Variants in B3GALT1 observed in about 807,000 individuals in gnomAD.
B3GALT1 encodes UDP-Gal:betaGlcNAc beta 1,3-galactosyltransferase, polypeptide 1.
Under a neutral mutation model 23.2 loss-of-function variants are expected in B3GALT1, and 10 were observed. The ratio of observed to expected loss-of-function variants is 0.43; its 90% CI spans 0.27 to 0.73. The LOEUF (loss-of-function observed/expected upper bound fraction) is 0.73, where lower values mean the gene tolerates loss of function less well. Among genes scored for constraint, B3GALT1 ranks in the 30% least tolerant of loss-of-function variants. The pLI, the probability that B3GALT1 is intolerant of heterozygous loss-of-function variation, is 0.21. For missense variants in B3GALT1, 299 were observed against 405.4 expected (o/e 0.74, Z 2.25); for synonymous variants, 156 against 141.5 (o/e 1.10, Z -0.73).
chr2:167,380,817 T>C (rs563393239), intron 1 of B3GALT1, among the ~76,000 whole-genome samples: 1 of 152,244 alleles, frequency 6.6e-6, no homozygotes, highest in African/African-American at 2.4e-5. Context: ...ATACTGAGGC[T>C]TTACTCACTT....
chr2:167,528,072 C>T (rs930216669), intron 2 of B3GALT1, among the ~76,000 whole-genome samples: 9 of 152,160 alleles, frequency 5.9e-5, no homozygotes, highest in African/African-American at 2.2e-4. Flanking sequence ...ATGGGCCATA[C>T]ATTTTGCAGC....
intron 3 of B3GALT1, among the ~76,000 whole-genome samples, chr2:167,655,286 T>C (rs1685938911): frequency 6.6e-6 from 1 of 152,184 alleles, no homozygotes; most frequent in South Asian, 2.1e-4. Context: ...GGCTGGCATG[T>C]GTACTGCAAT....
chr2:167,320,170 C>G (rs977429913), intron 1 of B3GALT1, among the ~76,000 whole-genome samples: 1 of 150,590 alleles, frequency 6.6e-6, no homozygotes, highest in Non-Finnish European at 1.5e-5. Flanking sequence ...ATTCAACATC[C>G]TGAGCTCCTG....
intron 1 of B3GALT1, among the ~76,000 whole-genome samples, chr2:167,364,394 G>A (rs981496694): frequency 2.8e-4 from 42 of 150,658 alleles, no homozygotes; most frequent in East Asian, 1.6e-3. Context: ...TGTGCACAAC[G>A]TGCAGGTTTG....
chr2:167,448,246 G>C (rs1237386515), intron 1 of B3GALT1, among the ~76,000 whole-genome samples: 1 of 152,064 alleles, frequency 6.6e-6, no homozygotes, highest in African/African-American at 2.4e-5. Context: ...ACCAGCAGTG[G>C]AAAAGTGTTT....
At position 167,591,409 on chromosome 2, in the gene B3GALT1, C is replaced by A. The variant is rs147553068; in HGVS notation, c.-409-55500C>A. Among the ~76,000 whole-genome samples the A allele has an allele frequency of 2.2e-3, 336 of 152,188 alleles. 1 individual carries two copies. Among genetic ancestry groups the A allele is most frequent in the African/African-American group, 7.9e-3 (327 of 41,516 alleles). ...AATCCTTTAACTCTTACAGACACAT[C>A]AGAGGATGTAGGACAGAGGAGAGAT... On this transcript the variant is annotated intron_variant, in intron 2 of 4. Transcript: ENST00000392690.
At chr2:167,708,565 G>T (rs1342050212) in intron 3 of B3GALT1, among the ~76,000 whole-genome samples, 1 of 152,230 alleles carries the variant, frequency 6.6e-6, no homozygotes, top group African/African-American at 2.4e-5. Context: ...GGAGGCTGAG[G>T]CAGGAGGATC....
At chr2:167,509,043 C>T (rs546342437) in intron 2 of B3GALT1, among the ~76,000 whole-genome samples, 4 of 152,214 alleles carry the variant, frequency 2.6e-5, no homozygotes, top group East Asian at 1.9e-4. Flanking sequence ...TTGACCTTCA[C>T]GACAGGAAGG....
chr2:167,845,156 C>T (rs1689729950), intron 4 of B3GALT1, among the ~76,000 whole-genome samples: 1 of 152,100 alleles, frequency 6.6e-6, no homozygotes, highest in Admixed American at 6.5e-5. Context: ...CCTTCCCTAC[C>T]CACCCTGGTA....
chr2:167,566,436 A>G (rs1316146155), intron 2 of B3GALT1, among the ~76,000 whole-genome samples: 5 of 151,884 alleles, frequency 3.3e-5, no homozygotes, highest in African/African-American at 9.7e-5. Context: ...CACCATCATG[A>G]CACATGTATA....
intron 2 of B3GALT1, among the ~76,000 whole-genome samples, chr2:167,561,214 T>C (rs530401409): frequency 6.6e-6 from 1 of 152,236 alleles, no homozygotes; most frequent in South Asian, 2.1e-4. Flanking sequence ...ATTGGGTACA[T>C]AACAAAATGA....
chr2:167,493,834 C>T (rs904338567), intron 2 of B3GALT1, among the ~76,000 whole-genome samples: 1 of 152,076 alleles, frequency 6.6e-6, no homozygotes, highest in Non-Finnish European at 1.5e-5. Flanking sequence ...ATTTCATTTT[C>T]CTAGACTTCA....
chr2:167,482,971 CTA>C (rs2105337297), intron 1 of B3GALT1, among the ~76,000 whole-genome samples: 1 of 152,272 alleles, frequency 6.6e-6, no homozygotes, highest in Non-Finnish European at 1.5e-5. Context: ...TTGCCTTTTG[CTA>C]TCTCTGTTCT....
intron 1 of B3GALT1, among the ~76,000 whole-genome samples, chr2:167,325,682 A>G (rs1421522052): frequency 1.4e-5 from 2 of 146,132 alleles, no homozygotes; most frequent in African/African-American, 5.1e-5. Flanking sequence ...TAGTTTTTTG[A>G]GAAATCTCCA....
chr2:167,579,010 T>C (rs919394959), intron 2 of B3GALT1, among the ~76,000 whole-genome samples: 2 of 152,068 alleles, frequency 1.3e-5, no homozygotes, highest in East Asian at 1.9e-4. Context: ...GTGATAAGTT[T>C]GTGGTAATAG....
chr2:167,604,395 T>C (rs1243778948), intron 2 of B3GALT1, among the ~76,000 whole-genome samples: 1 of 152,238 alleles, frequency 6.6e-6, no homozygotes, highest in Non-Finnish European at 1.5e-5. Flanking sequence ...TATTGGTTAC[T>C]GAGTATGCAG....
At chr2:167,674,048 C>T (rs1686381338) in intron 3 of B3GALT1, among the ~76,000 whole-genome samples, 1 of 152,056 alleles carries the variant, frequency 6.6e-6, no homozygotes, top group Admixed American at 6.6e-5. Flanking sequence ...TAATTAAATA[C>T]ACAACCATAG....
At chr2:167,537,690 G>T (rs76939498) in intron 2 of B3GALT1, among the ~76,000 whole-genome samples, 5,579 of 152,064 alleles carry the variant, frequency 0.037, 133 homozygotes, top group Non-Finnish European at 0.058. Context: ...GAAATTTTCT[G>T]ACCTCCACTC....
chr2:167,318,733 C>G (rs1486131290), intron 1 of B3GALT1, among the ~76,000 whole-genome samples: 1 of 152,074 alleles, frequency 6.6e-6, no homozygotes, highest in Non-Finnish European at 1.5e-5. Flanking sequence ...CTTTAACATC[C>G]TGGATTCCCT....
Sources: allele counts gnomAD v4.1 joint callset (sites outside exome capture counted in the v4.1 genomes callset), GRCh38; gene constraint gnomAD v4.1.1; transcripts MANE v1.5; gene names NCBI Gene and HGNC (gene_info 2026-07-23, HGNC 2026-07-21).